Variants in PGS1 observed in about 807,000 individuals in gnomAD.
The protein encoded by PGS1 is CDP-diacylglycerol--glycerol-3-phosphate 3-phosphatidyltransferase, mitochondrial.
A neutral mutation model predicts 58.3 loss-of-function variants in PGS1; 44 were observed. That is an observed-to-expected ratio of 0.75 (90% CI 0.59 to 0.97). PGS1 has a LOEUF of 0.97. PGS1 is among the 50% of genes least tolerant of loss of function. PGS1 has a pLI of 0.00. For missense variants in PGS1, 684 were observed against 731.1 expected, an observed-to-expected ratio of 0.94 and a Z score of 0.74; for synonymous variants, 330 against 311.0, an observed-to-expected ratio of 1.06 and a Z score of -0.64.
chr17:78,411,590 T>C (rs1426154832), intron 7 of PGS1, among the ~76,000 whole-genome samples: 1 of 152,204 alleles, frequency 6.6e-6, no homozygotes, highest in Non-Finnish European at 1.5e-5. Context: ...CCAAAAGCAC[T>C]TGGTCCGCAG....
At chr17:78,413,125 G>A (rs2084866980) in intron 7 of PGS1, among the ~76,000 whole-genome samples, 1 of 152,206 alleles carries the variant, frequency 6.6e-6, no homozygotes, top group Admixed American at 6.5e-5. Flanking sequence ...TACTGTTTAT[G>A]GCACAATGCA....
chr17:78,423,460 T>C (rs562264630), intron 9 of PGS1, among the ~76,000 whole-genome samples: 1 of 152,318 alleles, frequency 6.6e-6, no homozygotes, highest in East Asian at 1.9e-4. Context: ...GGTAACGCCC[T>C]GTCCCCTCAT....
intron 9 of PGS1, among the ~76,000 whole-genome samples, chr17:78,422,366 A>ATCATTACCC: frequency 6.6e-6 from 1 of 152,290 alleles, no homozygotes; most frequent in Middle Eastern, 3.4e-3. Flanking sequence ...ATTGTTGTGA[A>ATCATTACCC]TCATTACCCT....
Position 78,409,801 on chromosome 17 carries a change from T to G in PGS1, c.1403-5078T>G, listed in dbSNP as rs116334879. Among the ~76,000 whole-genome samples, 253 of 152,362 alleles carry G rather than the reference T, an allele frequency of 1.7e-3. 1 individual carries two copies. The highest frequency in any genetic ancestry group is 5.8e-3 in the African/African-American group (242 of 41,586). ...GTTCATGCATGTACTCTTAAAATGT[T>G]CATACACTTCTGCCTTAGAACTGCA... On this transcript the variant is annotated intron_variant, in intron 7 of 9. Transcript: ENST00000262764.
At chr17:78,422,854 G>C (rs1598413330) in intron 9 of PGS1, among the ~76,000 whole-genome samples, 1 of 152,250 alleles carries the variant, frequency 6.6e-6, no homozygotes, top group South Asian at 2.1e-4. Flanking sequence ...CTGGCGCTTT[G>C]GGAGGCCGAG....
chr17:78,397,241 T>C (rs1417257460), intron 3 of PGS1, among the ~76,000 whole-genome samples: 1 of 107,586 alleles, frequency 9.3e-6, no homozygotes, highest in Non-Finnish European at 2.2e-5. Context: ...ATGAGATCAC[T>C]GCTTTCTCTT....
At chr17:78,420,150 G>A (rs1285775669) in intron 9 of PGS1, 2 of 1,008,118 alleles carry the variant, frequency 2.0e-6, no homozygotes, top group East Asian at 9.8e-5. Flanking sequence ...GTGGGGCGTC[G>A]GTAGAGCCAG....
At position 78,401,490 on chromosome 17, in the gene PGS1, C is replaced by T. The variant is rs569297164; in HGVS notation, c.880+635C>T. The stretch of plus-strand genomic sequence containing the variant: ...TGAGTGTTCTGGGGCATTTGCATTC[C>T]TGTGATTCCTGCGGCTGTGGCTCCC... On this transcript the variant is annotated intron_variant, in intron 6 of 9. Transcript: ENST00000262764. 3.3e-5 allele frequency among the ~76,000 whole-genome samples: 5 copies of T among 152,348 alleles called. No individual in the cohort carries two copies. The East Asian group carries it at 9.7e-4, about 29-fold the overall frequency.
chr17:78,403,490 A>G (rs1291124876), intron 6 of PGS1, 78 bp from the exon 7 acceptor site: 4 of 1,450,582 alleles, frequency 2.8e-6, no homozygotes, highest in South Asian at 1.3e-5. Context: ...TGCCTATCAC[A>G]TGCCCTGTCC....
chr17:78,419,409 G>T, intron 8 of PGS1, 137 bp from the exon 9 acceptor site: 1 of 737,602 alleles, frequency 1.4e-6, no homozygotes. Context: ...AGAGCACCCT[G>T]GGAATCTCTG....
chr17:78,380,713 G>C (rs1301007236), intron 1 of PGS1, among the ~76,000 whole-genome samples: 1 of 152,118 alleles, frequency 6.6e-6, no homozygotes, highest in Non-Finnish European at 1.5e-5. Flanking sequence ...CCCTCTATAT[G>C]TTTAAACTAT....
At chr17:78,398,850 C>T (rs1417337750) in intron 4 of PGS1, among the ~76,000 whole-genome samples, 1 of 152,198 alleles carries the variant, frequency 6.6e-6, no homozygotes, top group Non-Finnish European at 1.5e-5. Flanking sequence ...CTTGTCTCCC[C>T]ATGACACCTT....
intron 7 of PGS1, among the ~76,000 whole-genome samples, chr17:78,405,773 A>G (rs571818229): frequency 6.6e-6 from 1 of 152,068 alleles, no homozygotes; most frequent in African/African-American, 2.4e-5. Flanking sequence ...AGTACATCCC[A>G]CGGCTTTTCT....
chr17:78,421,186 C>T (rs2085701429), intron 9 of PGS1: 1 of 152,222 alleles, frequency 6.6e-6, no homozygotes, highest in Non-Finnish European at 1.5e-5. Context: ...AGCCAGCTCT[C>T]CATATCCCCC....
In PGS1 at chr17:78,399,568, C is replaced by G. The variant is rs575735716; in HGVS notation, c.701+31C>G. On this transcript the variant is annotated intron_variant, in intron 5 of 9. Coordinates refer to ENST00000262764, the MANE Select transcript of PGS1 (RefSeq NM_024419.5). ...TGCTTCCCACCGTCAGTGCTTTTGC[C>G]CTCCTGCTCTGCAGGCTGGAGGGCA... 8 of 1,608,538 alleles carry G rather than the reference C, an allele frequency of 5.0e-6. No homozygotes were observed. The East Asian group carries it at 1.6e-4, about 31-fold the overall frequency.
chr17:78,419,770 C>CTCTT lies in PGS1; in HGVS notation c.*10+97_*10+100dup, dbSNP rs1250945100. The CTCTT allele has an allele frequency of 1.9e-6, 3 of 1,570,470 alleles. No individual in the cohort carries two copies. In the African/African-American group the frequency reaches 4.0e-5, roughly 21 times the overall value. ...TGACTCAACCAGAGCTTCCAGAGGG[C>CTCTT]TCTTTGATCCCTTTCTCAGTTAAAC... On this transcript the variant is annotated intron_variant, in intron 9 of 9. Coordinates refer to ENST00000262764, the MANE Select transcript of PGS1 (RefSeq NM_024419.5).
intron 7 of PGS1, among the ~76,000 whole-genome samples, chr17:78,409,413 CTA>C: frequency 6.6e-6 from 1 of 152,260 alleles, no homozygotes; most frequent in African/African-American, 2.4e-5. Flanking sequence ...GAGAATGTCA[CTA>C]TTTTTATTGC....
chr17:78,416,029 C>T (rs769889901), intron 8 of PGS1, among the ~76,000 whole-genome samples: 10 of 152,132 alleles, frequency 6.6e-5, no homozygotes, highest in East Asian at 1.9e-4. Flanking sequence ...TGTTGATGGA[C>T]GAGGAAATGG....
chr17:78,399,673 G>T, intron 5 of PGS1, 136 bp downstream of exon 5: 1 of 769,784 alleles, frequency 1.3e-6, no homozygotes, highest in Non-Finnish European at 2.1e-6. Flanking sequence ...TGCACCCGCG[G>T]CACCTCCCCG....
Sources: allele counts gnomAD v4.1 joint callset (sites outside exome capture counted in the v4.1 genomes callset), GRCh38; gene constraint gnomAD v4.1.1; transcripts MANE v1.5; gene names NCBI Gene and HGNC (gene_info 2026-07-23, HGNC 2026-07-21).